The following KLF9 variants were observed in gnomAD, a reference collection of about 807,000 sequenced individuals.
The protein encoded by KLF9 is Krueppel-like factor 9.
KLF9 carries 2 observed loss-of-function variants against 17.3 expected under a neutral mutation model. The observed-to-expected ratio is 0.12, with a 90% CI of 0.05 to 0.36. The LOEUF is 0.36. Ranked by LOEUF, KLF9 falls within the 10% of genes least tolerant of loss-of-function variation. KLF9 has a pLI of 1.00. For missense variants in KLF9, 226 were observed against 333.2 expected, an observed-to-expected ratio of 0.68 and a Z score of 2.51; for synonymous variants, 138 against 139.2, an observed-to-expected ratio of 0.99 and a Z score of 0.06.
chr9:70,405,350 T>A (rs539127799), intron 1 of KLF9, among the ~76,000 whole-genome samples: 24 of 152,336 alleles, frequency 1.6e-4, no homozygotes, highest in Admixed American at 3.9e-4. Flanking sequence ...TGTCACTAAT[T>A]TTGTATGGCT....
chr9:70,387,765 C>G lies in KLF9; in HGVS notation c.*11G>C, dbSNP rs1289673552. The G allele has an allele frequency of 1.2e-6, 2 of 1,610,842 alleles. No individual in the cohort carries two copies. Among genetic ancestry groups the G allele is most frequent in the East Asian group, 2.2e-5 (1 of 44,786 alleles). On this transcript the variant is annotated 3_prime_UTR_variant, in exon 2 of 2. Transcript: ENST00000377126. Reference sequence around the variant, plus strand: ...GGGGTCCATCCCTCCCTGGCTTCCACGGGCAGCACCTCACAAAGCGTTGGC... The same window carrying G: ...GGGGTCCATCCCTCCCTGGCTTCCAGGGGCAGCACCTCACAAAGCGTTGGC...
At chr9:70,409,026 ATATATATATGTG>A (rs2037278411) in intron 1 of KLF9, among the ~76,000 whole-genome samples, 1 of 124,090 alleles carries the variant, frequency 8.1e-6, no homozygotes, top group Non-Finnish European at 1.7e-5. Context: ...ATATATGTAT[ATATATATATGTG>A]TATATATATA....
At chr9:70,409,072 GTATATATATACACATATAT>G (rs2037282435) in intron 1 of KLF9, among the ~76,000 whole-genome samples, 1 of 102,834 alleles carries the variant, frequency 9.7e-6, no homozygotes, top group Non-Finnish European at 2.0e-5. Flanking sequence ...ATATATATGT[GTATATATATACACATATAT>G]GTATATATAT....
chr9:70,413,148 C>T lies in KLF9; in HGVS notation c.216G>A (p.Lys72=). 5 of 1,614,212 alleles carry T rather than the reference C, an allele frequency of 3.1e-6. No individual in the cohort carries two copies. Among genetic ancestry groups the T allele is most frequent in the South Asian group, 1.1e-5 (1 of 91,086 alleles). Residue 72 remains lysine, a synonymous_variant, in exon 1 of 2, where the codon AAG becomes AAA. Coordinates refer to ENST00000377126, the MANE Select transcript of KLF9 (RefSeq NM_001206.4). This position sits in a 1 kb window ranked among gnomAD's most constrained non-coding sequence, Gnocchi z 5.6. ...CGGAGGGGGTCTGGATGGGTCGGTA[C>T]TTGTTCAGGTCCAACAAGCTCTTGG... ...TIAKSLLDLN[K]YRPIQTPSVC... is the part of the protein sequence containing the mutation.
At chr9:70,409,831 A>G (rs192205986) in intron 1 of KLF9, among the ~76,000 whole-genome samples, 112 of 152,346 alleles carry the variant, frequency 7.4e-4, no homozygotes, top group Admixed American at 3.1e-3. Flanking sequence ...GAAGAAAAAC[A>G]AACTGAACAT....
intron 1 of KLF9, among the ~76,000 whole-genome samples, chr9:70,399,272 A>G (rs2037204287): frequency 6.6e-6 from 1 of 152,234 alleles, no homozygotes; most frequent in Non-Finnish European, 1.5e-5. Context: ...AAAGATCATA[A>G]AAGTCAGAGT....
intron 1 of KLF9, among the ~76,000 whole-genome samples, chr9:70,392,330 G>A (rs1292139504): frequency 1.3e-5 from 2 of 152,140 alleles, no homozygotes; most frequent in Non-Finnish European, 2.9e-5. Flanking sequence ...ATTCCATGGT[G>A]AACTGAACAG....
intron 1 of KLF9, among the ~76,000 whole-genome samples, chr9:70,411,376 C>T (rs895379393): frequency 6.6e-6 from 1 of 152,178 alleles, no homozygotes; most frequent in Non-Finnish European, 1.5e-5. Flanking sequence ...AGTTAATATA[C>T]CCCTACTTCA....
At chr9:70,404,649 C>A (rs1027482915) in intron 1 of KLF9, among the ~76,000 whole-genome samples, 11 of 152,040 alleles carry the variant, frequency 7.2e-5, no homozygotes, top group Non-Finnish European at 1.3e-4. Flanking sequence ...GTGAATGAGG[C>A]AGTGCTGGAC....
chr9:70,399,758 C>G (rs1379281202), intron 1 of KLF9, among the ~76,000 whole-genome samples: 1 of 152,254 alleles, frequency 6.6e-6, no homozygotes, highest in Non-Finnish European at 1.5e-5. Flanking sequence ...AGCACAGAGA[C>G]TGACCTTTCA....
At chr9:70,393,833 C>A (rs895682982) in intron 1 of KLF9, among the ~76,000 whole-genome samples, 7 of 152,020 alleles carry the variant, frequency 4.6e-5, no homozygotes, top group Admixed American at 3.9e-4. Flanking sequence ...CCAGCCTGGG[C>A]AATGTGGTGA....
rs1341644108 is a variant in KLF9, at chr9:70,414,230, T to TGGCC, written c.-871_-868dup. The TGGCC allele has an allele frequency of 6.6e-6, 1 of 152,226 alleles. No individual in the cohort carries two copies. Among genetic ancestry groups the TGGCC allele is most frequent in the East Asian group, 1.9e-4 (1 of 5,192 alleles). The allele number at this position is 152,226 out of a possible 1,614,324, so 9.4% of individuals were successfully genotyped here. On this transcript the variant is annotated 5_prime_UTR_variant, in exon 1 of 2. Transcript: ENST00000377126. The stretch of plus-strand genomic sequence containing the variant: ...ACTTTCGGAGTGCCTCGCGGTCCCG[T>TGGCC]GGCCGGTCCGGGCCTCCTGGCTCAC...
intron 1 of KLF9, among the ~76,000 whole-genome samples, chr9:70,402,802 T>C (rs2037231113): frequency 6.6e-6 from 1 of 152,240 alleles, no homozygotes; most frequent in Non-Finnish European, 1.5e-5. Context: ...TATCGTACTG[T>C]TTGCCTCTCA....
chr9:70,386,288 T>C lies in KLF9; in HGVS notation c.*1488A>G, dbSNP rs1427064807. On this transcript the variant is annotated 3_prime_UTR_variant, in exon 2 of 2. Coordinates refer to ENST00000377126, the MANE Select transcript of KLF9 (RefSeq NM_001206.4). ...CCTCATAAAGGCCACAGTTAAGTTTTCAGGTAAATGGCATAGATGGATGTA... is the reference window on the plus strand; with the variant it reads ...CCTCATAAAGGCCACAGTTAAGTTTCCAGGTAAATGGCATAGATGGATGTA... 1 of 152,722 alleles carries C rather than the reference T, an allele frequency of 6.5e-6. No individual in the cohort carries two copies. Among genetic ancestry groups the C allele is most frequent in the Non-Finnish European group, 1.5e-5 (1 of 68,042 alleles). The allele number at this position is 152,722 out of a possible 1,614,324, so 9.5% of individuals were successfully genotyped here. A position where few individuals can be genotyped will look rare whatever the true frequency, so the allele number is the denominator to read the frequency against.
At chr9:70,397,473 T>TAA (rs371392350) in intron 1 of KLF9, among the ~76,000 whole-genome samples, 1 of 143,938 alleles carries the variant, frequency 6.9e-6, no homozygotes. Context: ...AGACTCTGAC[T>TAA]AAAAAAAAAA....
intron 1 of KLF9, among the ~76,000 whole-genome samples, chr9:70,410,528 T>C (rs1487453344): frequency 6.6e-6 from 1 of 152,236 alleles, no homozygotes; most frequent in Admixed American, 6.5e-5. Context: ...AAAGCTGGTG[T>C]AGAAGTGGTC....
chr9:70,390,162 A>G (rs1049129313), intron 1 of KLF9, among the ~76,000 whole-genome samples: 3 of 152,266 alleles, frequency 2.0e-5, no homozygotes, highest in African/African-American at 4.8e-5. Context: ...AGCAATAGTC[A>G]TAACAACACC....
At chr9:70,388,630 C>CT (rs1340792996) in intron 1 of KLF9, among the ~76,000 whole-genome samples, 1 of 152,002 alleles carries the variant, frequency 6.6e-6, no homozygotes, top group Non-Finnish European at 1.5e-5. Context: ...AAAGCTGAGC[C>CT]TTTTTGCTAA....
chr9:70,387,947 G>A lies in KLF9; in HGVS notation c.564C>T (p.Asp188=), dbSNP rs769473254. The change falls in exon 2 of 2, where the codon GAC becomes GAT. Residue 188 remains aspartate (D), a synonymous_variant. Coordinates refer to ENST00000377126, the MANE Select transcript of KLF9 (RefSeq NM_001206.4). ...PDCLKKFSRS[D]ELTRHYRTHT... is the part of the protein sequence containing the mutation. ...GGGTCCGGTAGTGGCGGGTCAGCTC[G>A]TCTGAGCGGGAGAACTTTTTAAGGC... 3 of 1,613,518 alleles carry A rather than the reference G, an allele frequency of 1.9e-6. No individual in the cohort carries two copies. Among genetic ancestry groups the A allele is most frequent in the Admixed American group, 1.7e-5 (1 of 59,984 alleles).
Sources: gnomAD v4.1 joint callset for allele counts (sites outside exome capture counted in the v4.1 genomes callset) on GRCh38, gnomAD v4.1.1 for gene constraint, Gnocchi (gnomAD v3.1) non-coding constraint, MANE v1.5 for transcripts, NCBI Gene and HGNC (gene_info 2026-07-23, HGNC 2026-07-21) for gene names.